The following GHR variants were observed in gnomAD, a reference collection of about 807,000 sequenced individuals.
GHR encodes growth hormone receptor.
GHR carries 35 observed loss-of-function variants against 67.1 expected under a neutral mutation model. That is an observed-to-expected ratio of 0.52 (90% CI 0.40 to 0.69). The LOEUF is 0.69. Ranked by LOEUF, GHR falls within the 30% of genes least tolerant of loss-of-function variation. GHR has a pLI of 0.00. For missense variants in GHR, 792 were observed against 764.6 expected (o/e 1.04, Z -0.42); for synonymous variants, 272 against 269.1 (o/e 1.01, Z -0.10).
intron 1 of GHR, among the ~76,000 whole-genome samples, chr5:42,524,019 T>A (rs912149870): frequency 3.9e-5 from 6 of 152,238 alleles, no homozygotes; most frequent in African/African-American, 1.4e-4. Context: ...GCTATTTTTG[T>A]TCCCAGTTTC....
At chr5:42,486,851 A>G (rs896220529) in intron 1 of GHR, among the ~76,000 whole-genome samples, 3 of 151,870 alleles carry the variant, frequency 2.0e-5, no homozygotes, top group African/African-American at 7.2e-5. Context: ...CGTCTCAAAA[A>G]AAAAAAAAAA....
chr5:42,592,026 G>T (rs1014086489), intron 2 of GHR, among the ~76,000 whole-genome samples: 1 of 152,014 alleles, frequency 6.6e-6, no homozygotes, highest in Non-Finnish European at 1.5e-5. Flanking sequence ...CGTCCCCACT[G>T]AGAAAGCAAG....
At chr5:42,535,644 T>C (rs1748223947) in intron 1 of GHR, among the ~76,000 whole-genome samples, 1 of 152,118 alleles carries the variant, frequency 6.6e-6, no homozygotes, top group Non-Finnish European at 1.5e-5. Flanking sequence ...ATGCAGGCTC[T>C]TTTTTGGTTC....
chr5:42,601,655 C>T (rs1752382630), intron 2 of GHR, among the ~76,000 whole-genome samples: 1 of 152,118 alleles, frequency 6.6e-6, no homozygotes, highest in South Asian at 2.1e-4. Flanking sequence ...TCTGCTTTCT[C>T]TAATCCTTGA....
At chr5:42,454,410 G>T (rs1744174209) in intron 1 of GHR, among the ~76,000 whole-genome samples, 1 of 152,194 alleles carries the variant, frequency 6.6e-6, no homozygotes, top group Non-Finnish European at 1.5e-5. Flanking sequence ...GCCTGAGTTG[G>T]TTGGCCTCCA....
At chr5:42,708,626 TAAAC>T (rs376484521) in intron 6 of GHR, among the ~76,000 whole-genome samples, 2,698 of 152,224 alleles carry the variant, frequency 0.018, 136 homozygotes, top group South Asian at 0.17. Flanking sequence ...ATAAAAAAGT[TAAAC>T]AACCTAGAAA....
chr5:42,474,299 A>AAGAAAGAAAGAAAGAAAGAAAGAAAG (rs1561325496), intron 1 of GHR, among the ~76,000 whole-genome samples: 27 of 139,526 alleles, frequency 1.9e-4, no homozygotes, highest in African/African-American at 5.7e-4. Context: ...GAGAAAGAGA[A>AAGAAAGAAAGAAAGAAAGAAAGAAAG]AGAAAGAAAG....
intron 2 of GHR, among the ~76,000 whole-genome samples, chr5:42,597,143 A>C (rs1752111899): frequency 6.6e-6 from 1 of 152,120 alleles, no homozygotes; most frequent in Non-Finnish European, 1.5e-5. Flanking sequence ...CCATGGTGTA[A>C]ATACTCCCAA....
intron 2 of GHR, among the ~76,000 whole-genome samples, chr5:42,575,141 A>C (rs1013595712): frequency 1.3e-5 from 2 of 152,158 alleles, no homozygotes; most frequent in African/African-American, 4.8e-5. Flanking sequence ...GCTATGGAGG[A>C]ACTCGCTGGG....
intron 3 of GHR, among the ~76,000 whole-genome samples, chr5:42,671,344 A>C (rs1162397595): frequency 6.6e-6 from 1 of 152,072 alleles, no homozygotes; most frequent in African/African-American, 2.4e-5. Flanking sequence ...CAGGTCTCAC[A>C]AGTACTCACT....
At chr5:42,541,556 C>T (rs979180932) in intron 1 of GHR, among the ~76,000 whole-genome samples, 4 of 151,602 alleles carry the variant, frequency 2.6e-5, no homozygotes, top group Non-Finnish European at 4.4e-5. Context: ...GATACCATGA[C>T]AGTGTCCTGG....
At chr5:42,694,852 T>G in intron 4 of GHR, 65 bp from the exon 5 acceptor site, 1 of 1,200,670 alleles carries the variant, frequency 8.3e-7, no homozygotes, top group Non-Finnish European at 1.2e-6. Context: ...TCAAGCACCT[T>G]ACTTGGACTT....
chr5:42,476,106 G>A (rs540968815), intron 1 of GHR, among the ~76,000 whole-genome samples: 8 of 151,120 alleles, frequency 5.3e-5, no homozygotes, highest in African/African-American at 1.9e-4. Context: ...CGGTTTCACC[G>A]TGTTAGCCAG....
chr5:42,681,363 A>G (rs180883882), intron 3 of GHR, among the ~76,000 whole-genome samples: 34 of 152,314 alleles, frequency 2.2e-4, no homozygotes, highest in Non-Finnish European at 1.5e-4. Context: ...AAAAATGCTC[A>G]TCATCACTGG....
intron 1 of GHR, among the ~76,000 whole-genome samples, chr5:42,447,981 C>T (rs1040634665): frequency 2.0e-5 from 3 of 151,948 alleles, no homozygotes; most frequent in African/African-American, 7.3e-5. Flanking sequence ...TGGCTGGTCT[C>T]AAACTCCTGA....
At chr5:42,621,669 T>C (rs1308544014) in intron 2 of GHR, among the ~76,000 whole-genome samples, 1 of 152,216 alleles carries the variant, frequency 6.6e-6, no homozygotes, top group African/African-American at 2.4e-5. Context: ...TTTAAACATG[T>C]GCTTTTTTAA....
chr5:42,510,306 C>T (rs1357144075), intron 1 of GHR, among the ~76,000 whole-genome samples: 2 of 152,168 alleles, frequency 1.3e-5, no homozygotes, highest in African/African-American at 2.4e-5. Flanking sequence ...TATATTTGCT[C>T]ATTTTTCTCC....
intron 2 of GHR, among the ~76,000 whole-genome samples, chr5:42,613,546 T>G (rs1377010108): frequency 6.6e-6 from 1 of 152,076 alleles, no homozygotes; most frequent in Admixed American, 6.6e-5. Context: ...AGCTGCACAG[T>G]TGGGAAAGCG....
chr5:42,718,325 G>GT (rs3834253), intron 9 of GHR, 128 bp from the exon 10 acceptor site: 23,318 of 766,344 alleles, frequency 0.03, 1,393 homozygotes, highest in South Asian at 0.18. Flanking sequence ...ACTAATTTAT[G>GT]TTTTTTTATA....
Sources: gnomAD v4.1 joint callset for allele counts (sites outside exome capture counted in the v4.1 genomes callset) on GRCh38, gnomAD v4.1.1 for gene constraint, MANE v1.5 for transcripts, NCBI Gene and HGNC (gene_info 2026-07-23, HGNC 2026-07-21) for gene names.